Variants in PLPPR5 observed in about 807,000 individuals in gnomAD.
The protein encoded by PLPPR5 is phospholipid phosphatase related 5.
A neutral mutation model predicts 33.9 loss-of-function variants in PLPPR5; 16 were observed. The ratio of observed to expected loss-of-function variants is 0.47; its 90% CI spans 0.32 to 0.72. PLPPR5 has a LOEUF of 0.72. Among genes scored for constraint, PLPPR5 ranks in the 30% least tolerant of loss-of-function variants. PLPPR5 has a pLI of 0.03. For synonymous variants in PLPPR5, 163 were observed against 150.3 expected (o/e 1.08, Z -0.62); for missense variants, 301 against 406.7 (o/e 0.74, Z 2.23).
chr1:98,931,991 C>A (rs962061652), intron 3 of PLPPR5, among the ~76,000 whole-genome samples: 1 of 152,060 alleles, frequency 6.6e-6, no homozygotes, highest in South Asian at 2.1e-4. Context: ...TAATTGGATG[C>A]GTGCTTATGT....
intron 4 of PLPPR5, among the ~76,000 whole-genome samples, chr1:98,915,277 C>T (rs1649302026): frequency 6.6e-6 from 1 of 152,092 alleles, no homozygotes; most frequent in African/African-American, 2.4e-5. Context: ...TAACCTTTTC[C>T]TAATATGGCT....
intron 3 of PLPPR5, among the ~76,000 whole-genome samples, chr1:98,940,321 CTCT>C (rs761970428): frequency 1.4e-4 from 21 of 151,934 alleles, no homozygotes; most frequent in Non-Finnish European, 2.8e-4. Context: ...TCTCTGCTGT[CTCT>C]TCTTATAAGG....
intron 1 of PLPPR5, among the ~76,000 whole-genome samples, chr1:98,968,680 T>G (rs932173565): frequency 6.6e-6 from 1 of 151,970 alleles, no homozygotes; most frequent in Non-Finnish European, 1.5e-5. Context: ...AAATACTTCA[T>G]GTACCCCATA....
At chr1:98,924,349 A>G (rs1274488608) in intron 3 of PLPPR5, among the ~76,000 whole-genome samples, 1 of 152,230 alleles carries the variant, frequency 6.6e-6, no homozygotes, top group Non-Finnish European at 1.5e-5. Flanking sequence ...AATGGAAAGT[A>G]GAGGGAAGGC....
chr1:98,901,139 C>T (rs1648681135), intron 5 of PLPPR5, among the ~76,000 whole-genome samples: 1 of 152,032 alleles, frequency 6.6e-6, no homozygotes, highest in African/African-American at 2.4e-5. Context: ...CAGGATACTA[C>T]TCAGCAATTA....
intron 3 of PLPPR5, among the ~76,000 whole-genome samples, chr1:98,943,689 T>C (rs767459022): frequency 9.8e-5 from 15 of 152,318 alleles, no homozygotes; most frequent in Admixed American, 2.6e-4. Flanking sequence ...TAAAAAATAC[T>C]ACTACATTAT....
intron 1 of PLPPR5, among the ~76,000 whole-genome samples, chr1:98,990,248 A>C (rs1652406220): frequency 6.6e-6 from 1 of 152,134 alleles, no homozygotes; most frequent in Admixed American, 6.5e-5. Context: ...GCACGCCAGT[A>C]ATCCCAGCTT....
chr1:98,958,812 T>C (rs1342846725), intron 1 of PLPPR5, among the ~76,000 whole-genome samples: 1 of 152,144 alleles, frequency 6.6e-6, no homozygotes, highest in Non-Finnish European at 1.5e-5. Flanking sequence ...TACCACAGAA[T>C]GTTTCAAATT....
intron 1 of PLPPR5, among the ~76,000 whole-genome samples, chr1:98,960,299 G>T (rs1651190016): frequency 6.6e-6 from 1 of 151,964 alleles, no homozygotes; most frequent in Admixed American, 6.6e-5. Flanking sequence ...CTCCTTCCAG[G>T]TTCAAGCAAT....
At chr1:98,976,092 T>TAAAAAAAAAAAAAAAAAAAAA in intron 1 of PLPPR5, among the ~76,000 whole-genome samples, 1 of 74,706 alleles carries the variant, frequency 1.3e-5, no homozygotes, top group South Asian at 5.1e-4. Flanking sequence ...TACTAAAAAG[T>TAAAAAAAAAAAAAAAAAAAAA]AAAAAAAAAA....
chr1:98,938,836 G>A (rs12733725), intron 3 of PLPPR5, among the ~76,000 whole-genome samples: 18,220 of 152,146 alleles, frequency 0.12, 1,187 homozygotes, highest in East Asian at 0.22. Flanking sequence ...GAACATGGAT[G>A]GAGCTGGTGG....
intron 1 of PLPPR5, among the ~76,000 whole-genome samples, chr1:98,996,253 T>C (rs1652629463): frequency 6.6e-6 from 1 of 151,888 alleles, no homozygotes; most frequent in South Asian, 2.1e-4. Context: ...AAACTACAAA[T>C]GTATTATACA....
intron 5 of PLPPR5, among the ~76,000 whole-genome samples, chr1:98,900,405 T>C (rs1416748291): frequency 6.6e-6 from 1 of 152,146 alleles, no homozygotes; most frequent in Non-Finnish European, 1.5e-5. Context: ...TCTCCCTTTA[T>C]GTGTTCCTCC....
chr1:98,943,171 T>C (rs1650440699), intron 3 of PLPPR5, among the ~76,000 whole-genome samples: 1 of 152,162 alleles, frequency 6.6e-6, no homozygotes, highest in South Asian at 2.1e-4. Context: ...AAAATGGGAA[T>C]GTATGACATG....
chr1:98,983,373 T>C (rs1185361088), intron 1 of PLPPR5, among the ~76,000 whole-genome samples: 1 of 126,476 alleles, frequency 7.9e-6, no homozygotes, highest in Non-Finnish European at 1.7e-5. Context: ...TTACTGAGAA[T>C]GATGATTTCC....
intron 5 of PLPPR5, among the ~76,000 whole-genome samples, chr1:98,914,172 T>C (rs1649254567): frequency 6.6e-6 from 1 of 152,248 alleles, no homozygotes; most frequent in African/African-American, 2.4e-5. Flanking sequence ...AAAACTATTT[T>C]ATTTTTCCTA....
chr1:98,930,596 CAA>C (rs1353344316), intron 3 of PLPPR5, among the ~76,000 whole-genome samples: 1 of 152,150 alleles, frequency 6.6e-6, no homozygotes, highest in Non-Finnish European at 1.5e-5. Flanking sequence ...TGATCAGCAA[CAA>C]AATACTTTAT....
chr1:98,951,863 T>C (rs550823412), intron 3 of PLPPR5, among the ~76,000 whole-genome samples: 1 of 152,264 alleles, frequency 6.6e-6, no homozygotes, highest in African/African-American at 2.4e-5. Flanking sequence ...TAATCAAATT[T>C]GGTTTCGAAT....
intron 1 of PLPPR5, among the ~76,000 whole-genome samples, chr1:98,961,785 A>C (rs893730600): frequency 2.0e-5 from 3 of 152,126 alleles, no homozygotes; most frequent in East Asian, 1.9e-4. Flanking sequence ...GGCTCTCGTC[A>C]GTGAGTTACA....
Sources: gnomAD v4.1 joint callset for allele counts (sites outside exome capture counted in the v4.1 genomes callset) on GRCh38, gnomAD v4.1.1 for gene constraint, MANE v1.5 for transcripts, NCBI Gene and HGNC (gene_info 2026-07-23, HGNC 2026-07-21) for gene names.